Variants in EMP2 observed in about 807,000 individuals in gnomAD.
EMP2 encodes epithelial membrane protein 2.
EMP2 carries 19 observed loss-of-function variants against 13.7 expected under a neutral mutation model. That is an observed-to-expected ratio of 1.38 (90% CI 0.97 to 2.03). The LOEUF (loss-of-function observed/expected upper bound fraction) is 2.03, where lower values mean the gene tolerates loss of function less well. Ranked by LOEUF, EMP2 falls within the 30% of genes most tolerant of loss-of-function variation. The pLI is 0.00. For missense variants in EMP2, 253 were observed against 220.7 expected (o/e 1.15, Z -0.93); for synonymous variants, 97 against 84.7 (o/e 1.15, Z -0.80).
intron 4 of EMP2, among the ~76,000 whole-genome samples, chr16:10,536,014 C>G (rs11860001): frequency 0.081 from 12,265 of 152,100 alleles, 601 homozygotes; most frequent in South Asian, 0.23. Context: ...GAAAGGTCCC[C>G]GGAAGGACTG....
intron 2 of EMP2, chr16:10,545,319 A>G (rs1422917997): frequency 1.3e-5 from 2 of 152,202 alleles, no homozygotes. Context: ...GTGGGTCCAA[A>G]TACTATAATC....
chr16:10,569,461 G>A (rs139883209), intron 1 of EMP2, among the ~76,000 whole-genome samples: 1 of 152,240 alleles, frequency 6.6e-6, no homozygotes, highest in Non-Finnish European at 1.5e-5. Context: ...GCCTCCTACA[G>A]GTGCATGCCA....
Position 10,547,535 on chromosome 16 carries a change from C to T in EMP2, c.78+5G>A. On this transcript the variant is annotated splice_donor_5th_base_variant and intron_variant, in intron 2 of 4. Coordinates refer to ENST00000359543, the MANE Select transcript of EMP2 (RefSeq NM_001424.6). ...TCTGCGTGAGTGGCAGGAAAGGAAA[C>T]TTACATTGTCGACGGTGGCAATGAA... is the stretch of plus-strand genomic sequence containing the variant. The T allele has an allele frequency of 6.3e-7, 1 of 1,584,212 alleles. No individual in the cohort carries two copies. The highest frequency in any genetic ancestry group is 1.2e-5 in the South Asian group (1 of 85,574).
chr16:10,553,490 C>T (rs938090227), intron 1 of EMP2, among the ~76,000 whole-genome samples: 1 of 152,208 alleles, frequency 6.6e-6, no homozygotes, highest in Admixed American at 6.5e-5. Flanking sequence ...CCCTTCCCGG[C>T]ACCTTCTCCT....
intron 1 of EMP2, among the ~76,000 whole-genome samples, chr16:10,573,709 T>C (rs1168745490): frequency 6.6e-6 from 1 of 152,102 alleles, no homozygotes; most frequent in African/African-American, 2.4e-5. Flanking sequence ...TCCAGTTCCT[T>C]CCCTACCACC....
chr16:10,557,936 G>A (rs1424985843), intron 1 of EMP2, among the ~76,000 whole-genome samples: 2 of 152,100 alleles, frequency 1.3e-5, no homozygotes, highest in African/African-American at 4.8e-5. Flanking sequence ...GGAGGAACAA[G>A]AGGGAGGAGA....
At chr16:10,577,296 C>G (rs977367182) in intron 1 of EMP2, among the ~76,000 whole-genome samples, 2 of 152,192 alleles carry the variant, frequency 1.3e-5, no homozygotes, top group African/African-American at 4.8e-5. Flanking sequence ...ATGAGTACCT[C>G]TGGAGCCGTG....
chr16:10,537,874 G>A lies in EMP2; in HGVS notation c.316+54C>T, dbSNP rs2050661226. On this transcript the variant is annotated intron_variant, in intron 4 of 4. Transcript: ENST00000359543. ...TGGCTTCCCTCCTGGCGGCTGGGAA[G>A]GGAGTGCTTATTCCAGAAAGCCCCT... The A allele has an allele frequency of 5.6e-6, 9 of 1,595,250 alleles. No homozygotes were observed. In the Admixed American group the frequency reaches 1.0e-4, roughly 18 times the overall value.
At chr16:10,543,765 G>C in intron 2 of EMP2, 105 bp from the exon 3 acceptor site, 2 of 1,046,846 alleles carry the variant, frequency 1.9e-6, no homozygotes, top group Non-Finnish European at 3.0e-6. Context: ...TTCTCAAACT[G>C]CAACACATGT....
chr16:10,536,644 T>C (rs1481831325), intron 4 of EMP2, among the ~76,000 whole-genome samples: 2 of 152,222 alleles, frequency 1.3e-5, no homozygotes, highest in Non-Finnish European at 2.9e-5. Flanking sequence ...GGTATGTCTT[T>C]ATTAGCAGCT....
rs751252690 is a variant in EMP2 at position 10,533,091 on chromosome 16, A to G, written c.318T>C (p.Cys106=). ...VLTSIIQLMS[C]LCVMIAASIY... is the part of the protein sequence containing the mutation. ...TGGAGGCCGCAATCATGACACACAG[A>G]CCTGTCAGGAAGAAAGGTGAATTTT... The change falls in exon 5 of 5, where the codon TGT becomes TGC. Residue 106 remains cysteine (C), a splice_region_variant and synonymous_variant. Transcript: ENST00000359543. 1.3e-6 allele frequency: 2 copies of G among 1,560,240 alleles called. No homozygotes were observed. Among genetic ancestry groups the G allele is most frequent in the Non-Finnish European group, 8.7e-7 (1 of 1,148,360 alleles).
At position 10,580,145 on chromosome 16, in the gene EMP2, G is replaced by A. The variant is rs2051017093; in HGVS notation, c.-61+404C>T. ...CAGCCCAGGAGGACCCGCTGGCCCG[G>A]CCTGGCGCACCAGTCCTGCCCGCGA... is the stretch of plus-strand genomic sequence containing the variant. On this transcript the variant is annotated intron_variant, in intron 1 of 4. Transcript: ENST00000359543. This position sits in a 1 kb window ranked among gnomAD's most constrained non-coding sequence, Gnocchi z 4.3. Among the ~76,000 whole-genome samples, 1 of 152,148 alleles carries A rather than the reference G, an allele frequency of 6.6e-6. No homozygotes were observed. Among genetic ancestry groups the A allele is most frequent in the South Asian group, 2.1e-4 (1 of 4,832 alleles).
chr16:10,546,496 G>C (rs1235780458), intron 2 of EMP2: 1 of 152,188 alleles, frequency 6.6e-6, no homozygotes. Context: ...TAGGGGCATA[G>C]GTAGAGTCTG....
In EMP2 at chr16:10,543,705, A is replaced by G. The variant is rs372320609; in HGVS notation, c.79-45T>C. On this transcript the variant is annotated intron_variant, in intron 2 of 4. Coordinates refer to ENST00000359543, the MANE Select transcript of EMP2 (RefSeq NM_001424.6). ...TAGAGAGAAAGGCCGTCCGTTCATGATGCAAACACTGACTGCTAATTAGGC... is the reference window on the plus strand; with the variant it reads ...TAGAGAGAAAGGCCGTCCGTTCATGGTGCAAACACTGACTGCTAATTAGGC... The G allele has an allele frequency of 3.8e-6, 6 of 1,585,334 alleles. No homozygotes were observed. The South Asian group carries it at 5.5e-5, about 15-fold the overall frequency.
intron 1 of EMP2, among the ~76,000 whole-genome samples, chr16:10,560,496 G>T (rs572868410): frequency 2.0e-5 from 3 of 152,208 alleles, no homozygotes; most frequent in Admixed American, 6.5e-5. Flanking sequence ...CCAGGCTTCC[G>T]ATCACTGTCC....
At chr16:10,550,129 G>A (rs187688754) in intron 1 of EMP2, among the ~76,000 whole-genome samples, 115 of 151,980 alleles carry the variant, frequency 7.6e-4, no homozygotes, top group African/African-American at 2.6e-3. Context: ...CAGGTGATCC[G>A]CCTGCCTCGG....
chr16:10,557,976 G>A (rs35560200), intron 1 of EMP2, among the ~76,000 whole-genome samples: 226 of 152,102 alleles, frequency 1.5e-3, no homozygotes, highest in Admixed American at 2.7e-3. Flanking sequence ...ACTGTGGGTG[G>A]CGTTATGGAA....
chr16:10,552,465 C>T (rs2050795506), intron 1 of EMP2, among the ~76,000 whole-genome samples: 1 of 152,152 alleles, frequency 6.6e-6, no homozygotes, highest in Non-Finnish European at 1.5e-5. Context: ...GAAAAAGTTC[C>T]CATTCCAATC....
intron 1 of EMP2, among the ~76,000 whole-genome samples, chr16:10,566,248 A>C (rs1303270902): frequency 6.6e-6 from 1 of 152,204 alleles, no homozygotes; most frequent in Non-Finnish European, 1.5e-5. Context: ...TAACATAAAT[A>C]AATGTATTTT....
Sources: gnomAD v4.1 joint callset for allele counts (sites outside exome capture counted in the v4.1 genomes callset) on GRCh38, gnomAD v4.1.1 for gene constraint, Gnocchi (gnomAD v3.1) non-coding constraint, MANE v1.5 for transcripts, NCBI Gene and HGNC (gene_info 2026-07-23, HGNC 2026-07-21) for gene names.